The following NOVA1 variants were observed in gnomAD, a reference collection of about 807,000 sequenced individuals.
NOVA1 encodes the protein RNA-binding protein Nova-1.
NOVA1 carries 7 observed loss-of-function variants against 38.0 expected under a neutral mutation model. The ratio of observed to expected loss-of-function variants is 0.18; its 90% CI spans 0.10 to 0.35. The LOEUF (loss-of-function observed/expected upper bound fraction) is 0.35. NOVA1 is among the 10% of genes least tolerant of loss of function. The pLI, the probability that NOVA1 is intolerant of heterozygous loss-of-function variation, is 1.00. For synonymous variants in NOVA1, 270 were observed against 232.5 expected, an observed-to-expected ratio of 1.16 and a Z score of -1.47; for missense variants, 460 against 616.0, an observed-to-expected ratio of 0.75 and a Z score of 2.68.
chr14:26,473,436 T>C (rs1884747368), intron 3 of NOVA1, among the ~76,000 whole-genome samples: 1 of 151,958 alleles, frequency 6.6e-6, no homozygotes, highest in Non-Finnish European at 1.5e-5. Flanking sequence ...CACTTGTATA[T>C]GGACATTATG....
chr14:26,505,481 G>A lies in NOVA1; in HGVS notation c.281-25338C>T, dbSNP rs114047365. Among the ~76,000 whole-genome samples, 464 of 152,052 alleles carry A rather than the reference G, an allele frequency of 3.1e-3. 2 individuals carry two copies. Among genetic ancestry groups the A allele is most frequent in the African/African-American group, 0.011 (448 of 41,480 alleles). On this transcript the variant is annotated intron_variant, in intron 2 of 4. Transcript: ENST00000539517. ...CCTCCCACCATGACTGTAAGTTTCC[G>A]GAAGTCTCCCCAGCCATGTGGAACT...
At chr14:26,481,548 T>C (rs1885449938) in intron 2 of NOVA1, among the ~76,000 whole-genome samples, 1 of 152,102 alleles carries the variant, frequency 6.6e-6, no homozygotes, top group Admixed American at 6.6e-5. Context: ...AATAAAATTG[T>C]CATATTTTAA....
chr14:26,511,703 G>A (rs533017115), intron 2 of NOVA1, among the ~76,000 whole-genome samples: 3 of 151,822 alleles, frequency 2.0e-5, no homozygotes, highest in African/African-American at 7.3e-5. Flanking sequence ...ACTAAGCCGA[G>A]ATAGCGCCAC....
At chr14:26,481,968 C>T (rs573620766) in intron 2 of NOVA1, among the ~76,000 whole-genome samples, 1 of 110,536 alleles carries the variant, frequency 9.0e-6, no homozygotes, top group South Asian at 2.9e-4. Context: ...GATGCCAAAA[C>T]AGTCTAACTT....
At chr14:26,570,960 G>A (rs568994714) in intron 2 of NOVA1, among the ~76,000 whole-genome samples, 262 of 151,012 alleles carry the variant, frequency 1.7e-3, no homozygotes, top group African/African-American at 5.6e-3. Context: ...ATTTTTTCTC[G>A]TTTAACCCAC....
chr14:26,503,541 A>T (rs1417146337), intron 2 of NOVA1, among the ~76,000 whole-genome samples: 1 of 152,142 alleles, frequency 6.6e-6, no homozygotes, highest in Non-Finnish European at 1.5e-5. Context: ...GTACAATTCT[A>T]TTGGAATGGT....
intron 2 of NOVA1, among the ~76,000 whole-genome samples, chr14:26,527,802 A>T (rs918681841): frequency 1.3e-5 from 2 of 152,212 alleles, no homozygotes; most frequent in Non-Finnish European, 1.5e-5. Flanking sequence ...AAATGTACCC[A>T]ATCAGACAAT....
At chr14:26,585,043 AT>A in intron 2 of NOVA1, among the ~76,000 whole-genome samples, 1 of 151,592 alleles carries the variant, frequency 6.6e-6, no homozygotes. Flanking sequence ...ACTTTTTAAA[AT>A]ATAAATAAAA....
At chr14:26,587,212 T>C (rs757327451) in intron 2 of NOVA1, among the ~76,000 whole-genome samples, 6 of 150,246 alleles carry the variant, frequency 4.0e-5, no homozygotes, top group Admixed American at 3.3e-4. Context: ...TTGATCTATT[T>C]CCACAACTCT....
intron 4 of NOVA1, among the ~76,000 whole-genome samples, chr14:26,457,526 A>C (rs969895700): frequency 6.6e-6 from 1 of 151,470 alleles, no homozygotes; most frequent in Admixed American, 6.6e-5. Context: ...GGCATTTCTC[A>C]TATGTTTGTG....
intron 2 of NOVA1, among the ~76,000 whole-genome samples, chr14:26,511,049 CTGTACTG>C (rs1359848518): frequency 1.2e-5 from 1 of 84,426 alleles, no homozygotes; most frequent in African/African-American, 2.8e-5. Context: ...ATTCAGTTAA[CTGTACTG>C]TGTCCTCCAT....
intron 4 of NOVA1, among the ~76,000 whole-genome samples, chr14:26,450,400 C>CACAT (rs925405851): frequency 1.3e-5 from 2 of 152,032 alleles, no homozygotes; most frequent in South Asian, 4.2e-4. Context: ...CACACACACA[C>CACAT]ACAAACCTCA....
chr14:26,482,254 T>C (rs1274851018), intron 2 of NOVA1, among the ~76,000 whole-genome samples: 2 of 152,160 alleles, frequency 1.3e-5, no homozygotes, highest in African/African-American at 4.8e-5. Context: ...TACATACTGT[T>C]TGAAAATTAA....
chr14:26,535,454 A>G (rs1282578849), intron 2 of NOVA1, among the ~76,000 whole-genome samples: 1 of 152,196 alleles, frequency 6.6e-6, no homozygotes, highest in Non-Finnish European at 1.5e-5. Flanking sequence ...GGGCCAGGGA[A>G]TTATTATTCT....
chr14:26,465,885 C>T (rs1388633815), intron 4 of NOVA1, among the ~76,000 whole-genome samples: 3 of 151,930 alleles, frequency 2.0e-5, no homozygotes, highest in Non-Finnish European at 4.4e-5. Context: ...AAACACAATA[C>T]ACAATACACA....
intron 4 of NOVA1, among the ~76,000 whole-genome samples, chr14:26,467,234 T>C (rs959676446): frequency 1.3e-5 from 2 of 152,152 alleles, no homozygotes; most frequent in Non-Finnish European, 2.9e-5. Flanking sequence ...GTGGGTAGTA[T>C]CCTGGAAGCC....
chr14:26,522,394 A>G (rs1277833266), intron 2 of NOVA1, among the ~76,000 whole-genome samples: 1 of 152,124 alleles, frequency 6.6e-6, no homozygotes, highest in Non-Finnish European at 1.5e-5. Context: ...TTAATTTTTG[A>G]GACAACAGGA....
At chr14:26,521,435 A>AAGG (rs1418312948) in intron 2 of NOVA1, among the ~76,000 whole-genome samples, 2 of 152,046 alleles carry the variant, frequency 1.3e-5, no homozygotes, top group Admixed American at 6.6e-5. Flanking sequence ...AGACTCACGA[A>AAGG]CTCTATTACA....
In NOVA1 at chr14:26,547,790, C is replaced by A. The variant is rs150901303; in HGVS notation, c.280+47620G>T. On this transcript the variant is annotated intron_variant, in intron 2 of 4. Coordinates refer to ENST00000539517, the MANE Select transcript of NOVA1 (RefSeq NM_002515.3). ...TTTCATATATTGATAAAAATACTCT[C>A]TTGGCTAGAGATACATAGGTATATT... Among the ~76,000 whole-genome samples, 37 of 152,172 alleles carry A rather than the reference C, an allele frequency of 2.4e-4. No homozygotes were observed. The East Asian group carries it at 7.1e-3, about 29-fold the overall frequency.
Sources: allele counts gnomAD v4.1 joint callset (sites outside exome capture counted in the v4.1 genomes callset), GRCh38; gene constraint gnomAD v4.1.1; transcripts MANE v1.5; gene names NCBI Gene and HGNC (gene_info 2026-07-23, HGNC 2026-07-21).